Variants in NOSTRIN observed in about 807,000 individuals in gnomAD.
NOSTRIN encodes BM247 homolog.
A neutral mutation model predicts 59.0 loss-of-function variants in NOSTRIN; 63 were observed. The ratio of observed to expected loss-of-function variants is 1.07; its 90% CI spans 0.87 to 1.32. The LOEUF (loss-of-function observed/expected upper bound fraction) is 1.32. NOSTRIN is among the 40% of genes most tolerant of loss of function. The probability of loss-of-function intolerance (pLI) is 0.00; values close to 1 mark genes in which losing one functional copy is unlikely to be tolerated. For missense variants in NOSTRIN, 512 were observed against 473.1 expected (o/e 1.08, Z -0.76); for synonymous variants, 200 against 165.4 (o/e 1.21, Z -1.61).
At chr2:168,787,494 TCTTC>T (rs938742465) in intron 1 of NOSTRIN, among the ~76,000 whole-genome samples, 1 of 152,244 alleles carries the variant, frequency 6.6e-6, no homozygotes, top group African/African-American at 2.4e-5. Context: ...AATTTGGTGC[TCTTC>T]CTTGAGAAGA....
At chr2:168,831,069 C>A (rs772841902) in intron 5 of NOSTRIN, among the ~76,000 whole-genome samples, 7 of 152,144 alleles carry the variant, frequency 4.6e-5, no homozygotes, top group Non-Finnish European at 8.8e-5. Context: ...TGTCTTAGTT[C>A]AGGCTGCTCT....
rs140979969 is a variant in NOSTRIN, at chr2:168,854,467, TC to T, written c.856-884del. On this transcript the variant is annotated intron_variant, in intron 10 of 15. Coordinates refer to ENST00000317647, the MANE Select transcript of NOSTRIN (RefSeq NM_001039724.4). ...CCTCACTCCAACTCTACCATCCTAT[TC>T]TTTTTTATTCAATCCTTGAAATAAT... is the stretch of plus-strand genomic sequence containing the variant. Among the ~76,000 whole-genome samples the T allele has an allele frequency of 4.8e-3, 736 of 152,272 alleles. 9 individuals are homozygous for T. The East Asian group carries it at 0.055, about 11-fold the overall frequency.
At chr2:168,859,195 T>C (rs368075219) in intron 12 of NOSTRIN, 39 of 222,934 alleles carry the variant, frequency 1.7e-4, no homozygotes, top group East Asian at 1.5e-3. Context: ...AATCAACACT[T>C]ATCCCCTTTC....
At chr2:168,801,386 T>TA (rs112602633), upstream of NOSTRIN, among the ~76,000 whole-genome samples, 3,766 of 142,430 alleles carry the variant, frequency 0.026, 135 homozygotes, top group East Asian at 0.15. Context: ...ACATCCTAAT[T>TA]AAAAAAAAAA....
intron 7 of NOSTRIN, among the ~76,000 whole-genome samples, chr2:168,840,636 G>C (rs746077981): frequency 2.0e-5 from 3 of 151,630 alleles, no homozygotes; most frequent in Non-Finnish European, 2.9e-5. Context: ...GAATAATAAA[G>C]TGAATGGTAT....
rs1688591067 is a variant in NOSTRIN, at chr2:168,849,024, AC to A, written c.631-2059del. ...CATATACCATAGATGAATTAACAAC[AC>A]AGGGATATAGAGGAATACCATACTG... On this transcript the variant is annotated intron_variant, in intron 8 of 15. Coordinates refer to ENST00000317647, the MANE Select transcript of NOSTRIN (RefSeq NM_001039724.4). Among the ~76,000 whole-genome samples, 3 of 152,224 alleles carry A rather than the reference AC, an allele frequency of 2.0e-5. No individual in the cohort carries two copies. In the South Asian group the frequency reaches 6.2e-4, roughly 31 times the overall value.
intron 1 of NOSTRIN, among the ~76,000 whole-genome samples, chr2:168,807,531 A>T (rs1685919886): frequency 6.6e-6 from 1 of 152,200 alleles, no homozygotes; most frequent in Non-Finnish European, 1.5e-5. Flanking sequence ...AGTATATAGG[A>T]TCAAGGGTAA....
At chr2:168,843,659 A>T (rs1033143011) in intron 8 of NOSTRIN, among the ~76,000 whole-genome samples, 21 of 152,234 alleles carry the variant, frequency 1.4e-4, no homozygotes, top group Non-Finnish European at 4.4e-5. Context: ...AGAAATCAAA[A>T]TCATCGATAA....
chr2:168,863,738 A>AAGAC (rs1276673551), intron 15 of NOSTRIN: 1 of 835,662 alleles, frequency 1.2e-6, no homozygotes, highest in East Asian at 1.2e-4. Flanking sequence ...ATCTTAAGAA[A>AAGAC]AGACTGTTGG....
chr2:168,852,683 A>G (rs1688840692), intron 10 of NOSTRIN, among the ~76,000 whole-genome samples: 1 of 152,160 alleles, frequency 6.6e-6, no homozygotes, highest in African/African-American at 2.4e-5. Context: ...ATCAGGCAAC[A>G]AGACGGTAGA....
chr2:168,797,086 T>TTC (rs1226761072), upstream of NOSTRIN, among the ~76,000 whole-genome samples: 1 of 127,490 alleles, frequency 7.8e-6, no homozygotes, highest in Non-Finnish European at 1.6e-5. Flanking sequence ...TTTCTTTTTT[T>TTC]TTTTTTTTTT....
chr2:168,850,774 A>G, intron 8 of NOSTRIN: 1 of 700,476 alleles, frequency 1.4e-6, no homozygotes, highest in Non-Finnish European at 2.4e-6. Flanking sequence ...ATTCTCTGGA[A>G]TCCATGATTG....
At chr2:168,790,479 A>AATGC (rs1471334579) in intron 2 of NOSTRIN, among the ~76,000 whole-genome samples, 3 of 152,242 alleles carry the variant, frequency 2.0e-5, no homozygotes, top group Non-Finnish European at 4.4e-5. Context: ...CACGTGAATG[A>AATGC]ATGCAATAAA....
chr2:168,816,017 TGG>T (rs774741246), intron 2 of NOSTRIN, among the ~76,000 whole-genome samples: 45 of 152,336 alleles, frequency 3.0e-4, no homozygotes, highest in Non-Finnish European at 5.3e-4. Flanking sequence ...TTTTATTTTA[TGG>T]CCTCTTCCAC....
chr2:168,794,353 A>AATT (rs139630098), upstream of NOSTRIN, among the ~76,000 whole-genome samples: 10 of 141,630 alleles, frequency 7.1e-5, no homozygotes, highest in Non-Finnish European at 1.5e-5. Flanking sequence ...AAAAGGGATG[A>AATT]TTTTTTTTTT....
At chr2:168,859,267 C>T in intron 12 of NOSTRIN, 1 of 389,178 alleles carries the variant, frequency 2.6e-6, no homozygotes, top group Non-Finnish European at 4.5e-6. Context: ...AATATATTAC[C>T]AAGGTTTCCT....
intron 2 of NOSTRIN, among the ~76,000 whole-genome samples, chr2:168,822,901 A>G (rs1411931022): frequency 1.3e-5 from 2 of 152,206 alleles, no homozygotes; most frequent in Admixed American, 1.3e-4. Context: ...TGGTTAATCC[A>G]ATCATAATTT....
intron 2 of NOSTRIN, among the ~76,000 whole-genome samples, chr2:168,823,462 G>C (rs975896342): frequency 6.6e-6 from 1 of 152,212 alleles, no homozygotes; most frequent in Admixed American, 6.5e-5. Context: ...CTGTGCCTCT[G>C]TCCTGGCTCC....
At chr2:168,809,442 T>C (rs1197484111) in intron 1 of NOSTRIN, among the ~76,000 whole-genome samples, 1 of 152,194 alleles carries the variant, frequency 6.6e-6, no homozygotes, top group African/African-American at 2.4e-5. Context: ...CAGGAGTATG[T>C]ACCCCACTAA....
Sources: gnomAD v4.1 joint callset for allele counts (sites outside exome capture counted in the v4.1 genomes callset) on GRCh38, gnomAD v4.1.1 for gene constraint, MANE v1.5 for transcripts, NCBI Gene and HGNC (gene_info 2026-07-23, HGNC 2026-07-21) for gene names.